PHAF1: variants seen among roughly 807,000 people sequenced by gnomAD.
PHAF1 encodes the protein phagosome assembly factor 1.
A neutral mutation model predicts 63.1 loss-of-function variants in PHAF1; 23 were observed. The observed-to-expected ratio is 0.36, with a 90% CI of 0.26 to 0.52. The LOEUF (loss-of-function observed/expected upper bound fraction) is 0.52, where lower values mean the gene tolerates loss of function less well. Ranked by LOEUF, PHAF1 falls within the 20% of genes least tolerant of loss-of-function variation. The probability of loss-of-function intolerance (pLI) is 0.93; values close to 1 mark genes in which losing one functional copy is unlikely to be tolerated. For missense variants in PHAF1, 427 were observed against 517.2 expected (o/e 0.83, Z 1.69); for synonymous variants, 167 against 185.0 (o/e 0.90, Z 0.79).
At chr16:67,145,705 G>A in intron 14 of PHAF1, 77 bp downstream of exon 14, 1 of 1,470,190 alleles carries the variant, frequency 6.8e-7, no homozygotes, top group Non-Finnish European at 9.3e-7. Flanking sequence ...GCCTGGCACA[G>A]TGGATGTTGC....
chr16:67,127,244 C>G (rs1963229253), intron 3 of PHAF1, among the ~76,000 whole-genome samples: 1 of 152,160 alleles, frequency 6.6e-6, no homozygotes, highest in African/African-American at 2.4e-5. Flanking sequence ...AGTCATGCCT[C>G]AAAGTCATGA....
At chr16:67,132,553 G>A in intron 5 of PHAF1, 28 bp downstream of exon 5, 1 of 1,601,414 alleles carries the variant, frequency 6.2e-7, no homozygotes, top group Non-Finnish European at 8.6e-7. Context: ...GATTCCTCTG[G>A]TCATCAGTGG....
chr16:67,144,986 T>C lies in PHAF1; in HGVS notation c.1006+109T>C, dbSNP rs894076932. On this transcript the variant is annotated intron_variant, in intron 12 of 15. Transcript: ENST00000219139. ...GTTGGATGTGTGGAGCTTCTGCCCA[T>C]GGCCTCAGTTCCTCTGGGGTGGGCT... is the stretch of plus-strand genomic sequence containing the variant. 39 of 1,354,384 alleles carry C rather than the reference T, an allele frequency of 2.9e-5. No homozygotes were observed. The African/African-American group carries it at 4.2e-4, about 14-fold the overall frequency. The allele number at this position is 1,354,384 out of a possible 1,614,324, so 83.9% of individuals were successfully genotyped here.
intron 3 of PHAF1, among the ~76,000 whole-genome samples, chr16:67,126,892 C>CTT (rs894357549): frequency 2.4e-5 from 3 of 125,748 alleles, no homozygotes; most frequent in African/African-American, 5.9e-5. Flanking sequence ...CCAGCCCAGT[C>CTT]TTTTTTTTTT....
intron 8 of PHAF1, among the ~76,000 whole-genome samples, chr16:67,138,348 G>T (rs1963683053): frequency 6.6e-6 from 1 of 152,160 alleles, no homozygotes; most frequent in African/African-American, 2.4e-5. Context: ...GTTGAACTCA[G>T]TATTTAGTTA....
At chr16:67,121,258 C>T (rs1379839281) in intron 2 of PHAF1, among the ~76,000 whole-genome samples, 4 of 148,064 alleles carry the variant, frequency 2.7e-5, no homozygotes, top group Non-Finnish European at 4.5e-5. Context: ...GGCACAATCT[C>T]GGCTCACTGC....
At chr16:67,146,377 A>G in intron 15 of PHAF1, 27 bp downstream of exon 15, 2 of 1,604,032 alleles carry the variant, frequency 1.2e-6, no homozygotes, top group South Asian at 2.2e-5. Context: ...CTAGAAATAA[A>G]CTGCCTGGGG....
chr16:67,134,080 C>T (rs1963519684), intron 6 of PHAF1, 88 bp from the exon 7 acceptor site: 2 of 1,174,868 alleles, frequency 1.7e-6, no homozygotes, highest in East Asian at 2.3e-5. Flanking sequence ...CTGAGCAGCT[C>T]TTGAAGACCA....
chr16:67,117,630 A>G (rs539218506), intron 1 of PHAF1, among the ~76,000 whole-genome samples: 1 of 151,560 alleles, frequency 6.6e-6, no homozygotes, highest in South Asian at 2.1e-4. Context: ...ACAAAAAATT[A>G]GCCAGGCGTG....
intron 3 of PHAF1, among the ~76,000 whole-genome samples, chr16:67,129,784 C>T (rs752090202): frequency 6.6e-6 from 1 of 152,226 alleles, no homozygotes; most frequent in Non-Finnish European, 1.5e-5. Flanking sequence ...CCACTGATGG[C>T]GGAGTGTTAG....
At chr16:67,125,060 G>A (rs1434372559) in intron 2 of PHAF1, among the ~76,000 whole-genome samples, 2 of 152,180 alleles carry the variant, frequency 1.3e-5, no homozygotes, top group Non-Finnish European at 2.9e-5. Context: ...CATTGGACCA[G>A]AAGCATGCAG....
intron 14 of PHAF1, among the ~76,000 whole-genome samples, chr16:67,145,848 C>T (rs1441969752): frequency 2.0e-5 from 3 of 152,212 alleles, no homozygotes; most frequent in African/African-American, 7.2e-5. Context: ...CTCCCCTCTC[C>T]CAAGCCTACC....
chr16:67,131,184 T>G (rs1399753055), intron 3 of PHAF1, 102 bp from the exon 4 acceptor site: 3 of 480,116 alleles, frequency 6.2e-6, no homozygotes, highest in South Asian at 4.3e-5. Flanking sequence ...GTAATAGTTT[T>G]TTTTTTTTTT....
chr16:67,146,937 C>A, intron 15 of PHAF1, 108 bp from the exon 16 acceptor site: 1 of 1,045,136 alleles, frequency 9.6e-7, no homozygotes, highest in Non-Finnish European at 1.5e-6. Context: ...GTCGGGAAAC[C>A]CAGCCATTAG....
chr16:67,145,387 G>A lies in PHAF1; in HGVS notation c.1018G>A (p.Gly340Ser). 1 of 1,614,148 alleles carries A rather than the reference G, an allele frequency of 6.2e-7. No individual in the cohort carries two copies. The highest frequency in any genetic ancestry group is 8.5e-7 in the Non-Finnish European group (1 of 1,180,016). ...TCTTCTCTTTTCAGAAAACGCAGAT[G>A]GTCAGACAGAAACATGCACGACCTA... ...PLAIKKENADGQTETCTTYSK... is the reference protein window; with the variant it reads ...PLAIKKENADSQTETCTTYSK... The change falls in exon 13 of 16, where the codon GGT becomes AGT. Residue 340 changes from glycine to serine, a missense_variant. Gly to Ser is a moderately conservative substitution (Grantham distance 56, BLOSUM62 0). Coordinates refer to ENST00000219139, the MANE Select transcript of PHAF1 (RefSeq NM_025187.5).
At chr16:67,145,472 C>T in intron 13 of PHAF1, 53 bp downstream of exon 13, 2 of 1,613,052 alleles carry the variant, frequency 1.2e-6, no homozygotes, top group Non-Finnish European at 1.7e-6. Flanking sequence ...TGGACATGAG[C>T]CTGCAGGCAG....
intron 8 of PHAF1, among the ~76,000 whole-genome samples, chr16:67,136,554 CTTTTTTTTTTTTTT>C (rs34174571): frequency 5.0e-5 from 3 of 60,462 alleles, no homozygotes; most frequent in Non-Finnish European, 9.0e-5. Flanking sequence ...GCATTGATTC[CTTTTTTTTTTTTTT>C]TTTTTTTTTT....
chr16:67,140,053 C>T lies in PHAF1; in HGVS notation c.731C>T (p.Ser244Phe), dbSNP rs749840602. ...VFERSVYFGD[S>F]CQDVLSMLGS... is the part of the protein sequence containing the mutation. ...GAACGTTCAGTGTATTTTGGTGATT[C>T]CTGCCAAGATGTTCTTAGCATGCTT... The change falls in exon 9 of 16, where the codon TCC becomes TTC. Residue 244 changes from serine (S) to phenylalanine (F), a missense_variant. Coordinates refer to ENST00000219139, the MANE Select transcript of PHAF1 (RefSeq NM_025187.5). 3.3e-5 allele frequency: 53 copies of T among 1,613,984 alleles called. No homozygotes were observed. The highest frequency in any genetic ancestry group is 4.4e-5 in the Non-Finnish European group (52 of 1,180,014).
intron 6 of PHAF1, 104 bp downstream of exon 6, chr16:67,133,015 A>G: frequency 1.1e-6 from 1 of 945,590 alleles, no homozygotes; most frequent in Middle Eastern, 2.7e-4. Context: ...AGATAGGCAG[A>G]CTTTCTTTGG....
Sources: allele counts gnomAD v4.1 joint callset (sites outside exome capture counted in the v4.1 genomes callset), GRCh38; gene constraint gnomAD v4.1.1; transcripts MANE v1.5; gene names NCBI Gene and HGNC (gene_info 2026-07-23, HGNC 2026-07-21).